The following COL4A2 variants were observed in gnomAD, a reference collection of about 807,000 sequenced individuals.
The protein encoded by COL4A2 is collagen type IV alpha 2 chain.
A neutral mutation model predicts 200.2 loss-of-function variants in COL4A2; 99 were observed. That is an observed-to-expected ratio of 0.49 (90% CI 0.42 to 0.58). The LOEUF is 0.58. Among genes scored for constraint, COL4A2 ranks in the 20% least tolerant of loss-of-function variants. The pLI, the probability that COL4A2 is intolerant of heterozygous loss-of-function variation, is 0.00. For missense variants in COL4A2, 1,950 were observed against 2,314.1 expected (o/e 0.84, Z 3.23); for synonymous variants, 897 against 900.6 (o/e 1.00, Z 0.07).
chr13:110,484,920 C>G lies in COL4A2; in HGVS notation c.2918C>G (p.Pro973Arg). The change falls in exon 33 of 48, where the codon CCT becomes CGT. Residue 973 changes from proline (P) to arginine (R), a missense_variant. Physicochemically the swap from Pro to Arg is moderately radical, Grantham distance 103 (BLOSUM62 -2). Transcript: ENST00000360467. ...TCCCTTCCAGGCAGCCGAGGGGACC[C>G]TGGGCCCCCAGGACCACCTCCTGTC... ...EPGFKGSRGDPGPPGPPPVIL... is the reference protein window; with the variant it reads ...EPGFKGSRGDRGPPGPPPVIL... 6.2e-7 allele frequency: 1 copy of G among 1,611,808 alleles called. No individual in the cohort carries two copies.
At chr13:110,380,868 G>GT (rs1878449572) in intron 4 of COL4A2, among the ~76,000 whole-genome samples, 1 of 147,774 alleles carries the variant, frequency 6.8e-6, no homozygotes, top group African/African-American at 2.5e-5. Flanking sequence ...ACACCCACGG[G>GT]CTCTGTCTCA....
At chr13:110,455,347 C>T (rs564228586) in intron 20 of COL4A2, among the ~76,000 whole-genome samples, 6 of 152,300 alleles carry the variant, frequency 3.9e-5, no homozygotes, top group African/African-American at 1.4e-4. Flanking sequence ...CACTCTGGAG[C>T]ATTCCCTCCC....
chr13:110,340,726 T>C (rs1270095989), intron 3 of COL4A2, among the ~76,000 whole-genome samples: 1 of 152,142 alleles, frequency 6.6e-6, no homozygotes, highest in Non-Finnish European at 1.5e-5. Flanking sequence ...AGAGAGTCTT[T>C]AGGGTCTCGA....
chr13:110,399,822 A>G (rs1278564110), intron 4 of COL4A2, among the ~76,000 whole-genome samples: 1 of 152,170 alleles, frequency 6.6e-6, no homozygotes, highest in Admixed American at 6.5e-5. Flanking sequence ...AGGGGAAAAC[A>G]TTCTGTTTTG....
intron 3 of COL4A2, among the ~76,000 whole-genome samples, chr13:110,344,760 G>A (rs113449403): frequency 6.6e-6 from 1 of 152,344 alleles, no homozygotes; most frequent in Non-Finnish European, 1.5e-5. Context: ...GCTCTCTGCA[G>A]TGTAGCAGTC....
chr13:110,383,829 C>T (rs116495918), intron 4 of COL4A2, among the ~76,000 whole-genome samples: 2,323 of 152,118 alleles, frequency 0.015, 55 homozygotes, highest in African/African-American at 0.051. Flanking sequence ...CTAGGCTGGT[C>T]TCGAACGCCT....
In COL4A2 at chr13:110,339,224, T is replaced by C. The variant is rs77758942; in HGVS notation, c.100-18248T>C. Among the ~76,000 whole-genome samples, 128 of 152,374 alleles carry C rather than the reference T, an allele frequency of 8.4e-4. 5 individuals carry two copies. In the East Asian group the frequency reaches 0.023, roughly 28 times the overall value. The stretch of plus-strand genomic sequence containing the variant: ...AAACAGTTGGATTTCTTTTACCTTT[T>C]GTGCAGAAAGCCTTCGTTTAGAGAA... On this transcript the variant is annotated intron_variant, in intron 3 of 47. Transcript: ENST00000360467.
chr13:110,400,289 G>A (rs1879326296), intron 4 of COL4A2, among the ~76,000 whole-genome samples: 1 of 152,174 alleles, frequency 6.6e-6, no homozygotes, highest in East Asian at 1.9e-4. Context: ...AAGCAGATGA[G>A]AAATTTAAAT....
intron 3 of COL4A2, among the ~76,000 whole-genome samples, chr13:110,334,486 T>G (rs1472979828): frequency 6.6e-6 from 1 of 152,240 alleles, no homozygotes; most frequent in African/African-American, 2.4e-5. Flanking sequence ...CATGCTCATT[T>G]CTACTAAAAT....
chr13:110,342,557 C>T lies in COL4A2; in HGVS notation c.100-14915C>T, dbSNP rs75679304. ...GGTACTTCCTGCCGGGAGCCGGGCA[C>T]TATCCTCACCTCTTCCCGTGGGTTA... On this transcript the variant is annotated intron_variant, in intron 3 of 47. Coordinates refer to ENST00000360467, the MANE Select transcript of COL4A2 (RefSeq NM_001846.4). Among the ~76,000 whole-genome samples the T allele has an allele frequency of 3.9e-5, 6 of 152,314 alleles. No homozygotes were observed. In the East Asian group the frequency reaches 1.2e-3, roughly 29 times the overall value.
intron 45 of COL4A2, among the ~76,000 whole-genome samples, chr13:110,505,211 G>A (rs999753546): frequency 5.9e-5 from 9 of 151,940 alleles, no homozygotes; most frequent in Non-Finnish European, 8.8e-5. Context: ...TTAGCCGGGC[G>A]TGGTGGCGGG....
At chr13:110,504,403 C>T (rs1388214331) in intron 45 of COL4A2, 139 bp downstream of exon 45, 6 of 669,784 alleles carry the variant, frequency 9.0e-6, no homozygotes, top group Non-Finnish European at 1.5e-5. Context: ...TGCTCCTAAT[C>T]TGGGCGTAGC....
At chr13:110,387,100 G>A (rs752176610) in intron 4 of COL4A2, among the ~76,000 whole-genome samples, 1 of 152,116 alleles carries the variant, frequency 6.6e-6, no homozygotes, top group Non-Finnish European at 1.5e-5. Context: ...TTAGCTGGCC[G>A]TGGTGGCGGG....
chr13:110,406,904 A>G (rs112602554), intron 4 of COL4A2, among the ~76,000 whole-genome samples: 85 of 152,278 alleles, frequency 5.6e-4, no homozygotes, highest in African/African-American at 2.0e-3. Flanking sequence ...GCTGGCTGAA[A>G]GGTAGAGGAC....
chr13:110,332,447 G>A (rs1444725134), intron 3 of COL4A2, among the ~76,000 whole-genome samples: 2 of 152,210 alleles, frequency 1.3e-5, no homozygotes, highest in Non-Finnish European at 2.9e-5. Flanking sequence ...CAGGGATGAA[G>A]TGATAGTGGC....
At chr13:110,506,691 A>C in intron 46 of COL4A2, 85 bp downstream of exon 46, 1 of 1,388,824 alleles carries the variant, frequency 7.2e-7, no homozygotes, top group Middle Eastern at 2.4e-4. Flanking sequence ...CGAGACTCCC[A>C]AACCCTCCAC....
At chr13:110,505,317 T>C (rs1883821854) in intron 45 of COL4A2, among the ~76,000 whole-genome samples, 1 of 151,502 alleles carries the variant, frequency 6.6e-6, no homozygotes, top group Non-Finnish European at 1.5e-5. Context: ...GCCACTGCAC[T>C]CCAGCCTGGG....
At chr13:110,429,830 A>G (rs1880607766) in intron 7 of COL4A2, 55 bp from the exon 8 acceptor site, 1 of 1,557,606 alleles carries the variant, frequency 6.4e-7, no homozygotes, top group Non-Finnish European at 8.8e-7. Flanking sequence ...GCTGCACCGA[A>G]TGTTAATGGA....
intron 30 of COL4A2, among the ~76,000 whole-genome samples, chr13:110,479,394 A>AGTGGGGAGAAG (rs1359248412): frequency 0.01 from 86 of 8,374 alleles, no homozygotes; most frequent in African/African-American, 0.02. Context: ...ACCTGGTGCC[A>AGTGGGGAGAAG]GCGGGGAGAA....
Sources: allele counts gnomAD v4.1 joint callset (sites outside exome capture counted in the v4.1 genomes callset), GRCh38; gene constraint gnomAD v4.1.1; transcripts MANE v1.5; gene names NCBI Gene and HGNC (gene_info 2026-07-23, HGNC 2026-07-21).